Variants in CEP78 observed in about 807,000 individuals in gnomAD.
CEP78 encodes the protein centrosomal protein 78.
CEP78 carries 76 observed loss-of-function variants against 81.2 expected under a neutral mutation model. That is an observed-to-expected ratio of 0.94 (90% CI 0.78 to 1.13). The LOEUF (loss-of-function observed/expected upper bound fraction) is 1.13, where lower values mean the gene tolerates loss of function less well. Among genes scored for constraint, CEP78 ranks in the 50% most tolerant of loss-of-function variants. CEP78 has a pLI of 0.00. For missense variants in CEP78, 918 were observed against 846.8 expected (o/e 1.08, Z -1.04); for synonymous variants, 293 against 301.4 (o/e 0.97, Z 0.29).
rs369562785 is a variant in CEP78, at chr9:78,247,023, A to G, written c.892+241A>G. On this transcript the variant is annotated intron_variant, in intron 6 of 16. Coordinates refer to ENST00000643273, the MANE Select transcript of CEP78 (RefSeq NM_001330691.3). ...TAATAAATCTGCTTCCACCAAGTGCATTATTTTCTTCTTGTGGAACTTCTG... is the reference window on the plus strand; with the variant it reads ...TAATAAATCTGCTTCCACCAAGTGCGTTATTTTCTTCTTGTGGAACTTCTG... Among the ~76,000 whole-genome samples, 98 of 152,344 alleles carry G rather than the reference A, an allele frequency of 6.4e-4. 2 individuals are homozygous for G. The South Asian group carries it at 0.019, about 29-fold the overall frequency.
intron 4 of CEP78, 84 bp from the exon 5 acceptor site, chr9:78,243,378 A>T (rs1826319862): frequency 8.8e-7 from 1 of 1,132,800 alleles, no homozygotes; most frequent in South Asian, 1.6e-5. Flanking sequence ...TAAAGCTCTG[A>T]TGTAATCAGC....
intron 16 of CEP78, among the ~76,000 whole-genome samples, chr9:78,270,031 G>A (rs1827656805): frequency 6.6e-6 from 1 of 152,196 alleles, no homozygotes; most frequent in Non-Finnish European, 1.5e-5. Context: ...GGTTAGATAA[G>A]TAACTTAGAG....
intron 9 of CEP78, among the ~76,000 whole-genome samples, chr9:78,252,492 C>G (rs936848072): frequency 2.6e-5 from 4 of 151,910 alleles, no homozygotes; most frequent in African/African-American, 9.7e-5. Context: ...GTGAATCAAA[C>G]CAGATATAAC....
At chr9:78,268,905 C>G (rs1827631068) in intron 16 of CEP78, among the ~76,000 whole-genome samples, 1 of 152,082 alleles carries the variant, frequency 6.6e-6, no homozygotes, top group African/African-American at 2.4e-5. Context: ...ATCCACCCAC[C>G]TTGGCCTCCC....
intron 11 of CEP78, among the ~76,000 whole-genome samples, chr9:78,258,298 T>G (rs991813542): frequency 6.6e-6 from 1 of 152,154 alleles, no homozygotes; most frequent in Admixed American, 6.5e-5. Context: ...CACTGATCTA[T>G]CTGTCTCTCA....
At chr9:78,265,348 TC>T (rs1827469572) in intron 13 of CEP78, 23 bp from the exon 14 acceptor site, 1 of 1,555,158 alleles carries the variant, frequency 6.4e-7, no homozygotes, top group Non-Finnish European at 8.7e-7. Context: ...CCTTGCCTTT[TC>T]CTCCTTTTCT....
In CEP78 at chr9:78,254,451, C is replaced by CTG. The variant is rs142928720; in HGVS notation, c.1252-378_1252-377dup. ...TAAAAATCGTCCTGTCTTTAAGACT[C>CTG]TGTGTGTGATGGTAGAGAATAAATT... On this transcript the variant is annotated intron_variant, in intron 10 of 16. Transcript: ENST00000643273. The CTG allele has an allele frequency of 9.7e-3, 1,484 of 153,634 alleles. 20 individuals are homozygous for CTG. The highest frequency in any genetic ancestry group is 0.034 in the African/African-American group (1,416 of 41,404). The allele number at this position is 153,634 out of a possible 1,614,324, so 9.5% of individuals were successfully genotyped here.
At chr9:78,255,015 T>A (rs2118344688) in intron 11 of CEP78, 51 bp downstream of exon 11, 1 of 1,532,760 alleles carries the variant, frequency 6.5e-7, no homozygotes, top group South Asian at 1.2e-5. Flanking sequence ...CAAACTCTAG[T>A]TAGTTTTTGG....
At chr9:78,260,109 G>T (rs761680476) in intron 11 of CEP78, among the ~76,000 whole-genome samples, 4 of 152,182 alleles carry the variant, frequency 2.6e-5, no homozygotes, top group Non-Finnish European at 5.9e-5. Flanking sequence ...GAGTAGAGGT[G>T]ATATATCCAA....
At chr9:78,240,511 A>G in intron 3 of CEP78, 147 bp downstream of exon 3, 1 of 704,118 alleles carries the variant, frequency 1.4e-6, no homozygotes, top group Admixed American at 2.5e-5. Context: ...TCTACCATGA[A>G]AGCTTGGCAT....
intron 13 of CEP78, among the ~76,000 whole-genome samples, chr9:78,264,529 A>G (rs1827426048): frequency 6.6e-6 from 1 of 151,716 alleles, no homozygotes; most frequent in African/African-American, 2.4e-5. Flanking sequence ...GAGTAAACTT[A>G]TCTGGCTTGG....
In CEP78 at chr9:78,236,527, G is replaced by A. The variant is rs779196527; in HGVS notation, c.177G>A (p.Leu59=). The change falls in exon 1 of 17, where the codon CTG becomes CTA. Residue 59 remains leucine, a synonymous_variant. Coordinates refer to ENST00000643273, the MANE Select transcript of CEP78 (RefSeq NM_001330691.3). ...RLRGVDWAPL[L]STLKINKDLP... is the part of the protein sequence containing the mutation. ...GCGGGGTGGACTGGGCGCCTCTGCT[G>A]AGCACCCTCAAGATCAATAAAGACC... The A allele has an allele frequency of 1.9e-6, 3 of 1,606,888 alleles. No homozygotes were observed. The highest frequency in any genetic ancestry group is 2.5e-6 in the Non-Finnish European group (3 of 1,176,660).
rs1177998689 is a variant in CEP78 at position 78,240,376 on chromosome 9, T to C, written c.499+12T>C. On this transcript the variant is annotated intron_variant, in intron 3 of 16. Coordinates refer to ENST00000643273, the MANE Select transcript of CEP78 (RefSeq NM_001330691.3). ...TGGAGGTTTAGAAAGTGAGTTTAAA[T>C]CTCATTTAACTCTTGTCCTATCAGG... is the stretch of plus-strand genomic sequence containing the variant. 1.3e-6 allele frequency: 2 copies of C among 1,556,090 alleles called. No homozygotes were observed.
chr9:78,260,706 CAAAA>C (rs1204270796), intron 11 of CEP78, among the ~76,000 whole-genome samples: 4 of 53,084 alleles, frequency 7.5e-5, no homozygotes, highest in Admixed American at 2.1e-4. Context: ...GACTCCATCT[CAAAA>C]AAAAAAAAAA....
rs1397156340 is a variant in CEP78 at position 78,262,950 on chromosome 9, T to G, written c.1424T>G (p.Val475Gly). ...ECLKQLKEER[V>G]IRLKVDKRVS... ...CTAAAGCAGTTAAAGGAAGAAAGAG[T>G]GATAAGGCTTAAGGTTGATAAACGA... The change falls in exon 12 of 17, where the codon GTG becomes GGG. Residue 475 changes from valine (V) to glycine (G), a missense_variant. Coordinates refer to ENST00000643273, the MANE Select transcript of CEP78 (RefSeq NM_001330691.3). 1.3e-6 allele frequency: 2 copies of G among 1,546,812 alleles called. No individual in the cohort carries two copies. Among genetic ancestry groups the G allele is most frequent in the East Asian group, 4.9e-5 (2 of 40,810 alleles).
At chr9:78,238,974 G>A (rs1013893532) in intron 1 of CEP78, among the ~76,000 whole-genome samples, 1 of 151,894 alleles carries the variant, frequency 6.6e-6, no homozygotes, top group Non-Finnish European at 1.5e-5. Flanking sequence ...GGGTGACAGA[G>A]CAAGACCCTG....
In CEP78 at chr9:78,275,048, A is replaced by G. The variant is rs1050210432; in HGVS notation, c.*4197A>G. ...TAAACCTTTGTAAAATATGATAAAG[A>G]AAAAAAAGCAAGAAGTAATTAACAA... On this transcript the variant is annotated 3_prime_UTR_variant, in exon 17 of 17. Transcript: ENST00000643273. 5.3e-5 allele frequency: 8 copies of G among 151,866 alleles called. No individual in the cohort carries two copies. The highest frequency in any genetic ancestry group is 2.0e-4 in the Admixed American group (3 of 15,250). 9.4% of individuals were successfully genotyped at this position (151,866 alleles called of 1,614,324 possible).
At chr9:78,262,577 A>AT (rs975335910) in intron 11 of CEP78, among the ~76,000 whole-genome samples, 136 of 152,272 alleles carry the variant, frequency 8.9e-4, no homozygotes, top group African/African-American at 3.2e-3. Context: ...GCTTCCTATT[A>AT]TAAGGGATCC....
At position 78,268,341 on chromosome 9, in the gene CEP78, C is replaced by T. The variant is rs1587613051; in HGVS notation, c.2107+1638C>T. Reference sequence around the variant, plus strand: ...ACAAACACAAGTAGTTGAGAGTTACCGAAATGTCATCAGGCACTAGCAGAT... The same window carrying T: ...ACAAACACAAGTAGTTGAGAGTTACTGAAATGTCATCAGGCACTAGCAGAT... On this transcript the variant is annotated intron_variant, in intron 16 of 16. Coordinates refer to ENST00000643273, the MANE Select transcript of CEP78 (RefSeq NM_001330691.3). 6.6e-5 allele frequency among the ~76,000 whole-genome samples: 10 copies of T among 152,152 alleles called. 2 individuals carry two copies. In the South Asian group the frequency reaches 1.7e-3, roughly 25 times the overall value.
Sources: allele counts gnomAD v4.1 joint callset (sites outside exome capture counted in the v4.1 genomes callset), GRCh38; gene constraint gnomAD v4.1.1; transcripts MANE v1.5; gene names NCBI Gene and HGNC (gene_info 2026-07-23, HGNC 2026-07-21).